Variants in KCNAB1 observed in about 807,000 individuals in gnomAD.
KCNAB1 encodes the protein potassium voltage-gated channel subfamily A regulatory beta subunit 1, also known as voltage-gated potassium channel subunit beta-1.
KCNAB1 carries 35 observed loss-of-function variants against 64.6 expected under a neutral mutation model. The observed-to-expected ratio is 0.54, with a 90% CI of 0.41 to 0.72. The LOEUF (loss-of-function observed/expected upper bound fraction) is 0.72. Ranked by LOEUF, KCNAB1 falls within the 30% of genes least tolerant of loss-of-function variation. The pLI, the probability that KCNAB1 is intolerant of heterozygous loss-of-function variation, is 0.00. For synonymous variants in KCNAB1, 177 were observed against 183.8 expected (o/e 0.96, Z 0.30); for missense variants, 401 against 512.9 (o/e 0.78, Z 2.11).
intron 2 of KCNAB1, among the ~76,000 whole-genome samples, chr3:156,424,613 C>T (rs1267677131): frequency 6.6e-6 from 1 of 151,800 alleles, no homozygotes; most frequent in Non-Finnish European, 1.5e-5. Flanking sequence ...AAGCATTGCC[C>T]AACTATTTAC....
In KCNAB1 at chr3:156,120,887, G is replaced by T; in HGVS notation, c.275+1G>T. On this transcript the variant is annotated splice_donor_variant, in intron 1 of 13. Transcript: ENST00000490337. LOFTEE classifies it high-confidence loss of function. Reference sequence around the variant, plus strand: ...TCTGCACCACAGGCATGCCGCACAGGTAAGCTGCCCCTGCTCTGCGCGGGC... The same window carrying T: ...TCTGCACCACAGGCATGCCGCACAGTTAAGCTGCCCCTGCTCTGCGCGGGC... 6.2e-7 allele frequency: 1 copy of T among 1,613,514 alleles called. No individual in the cohort carries two copies. The highest frequency in any genetic ancestry group is 1.1e-5 in the South Asian group (1 of 91,074).
At chr3:156,379,743 G>A (rs80213311) in intron 1 of KCNAB1, among the ~76,000 whole-genome samples, 9,914 of 152,228 alleles carry the variant, frequency 0.065, 434 homozygotes, top group Non-Finnish European at 0.096. Flanking sequence ...GCAGTGATGG[G>A]ATCTGATTTG....
intron 1 of KCNAB1, among the ~76,000 whole-genome samples, chr3:156,284,025 G>A (rs1719916082): frequency 6.6e-6 from 1 of 152,086 alleles, no homozygotes; most frequent in South Asian, 2.1e-4. Context: ...GCATTCCTTT[G>A]GAGGAGGAGA....
intron 1 of KCNAB1, among the ~76,000 whole-genome samples, chr3:156,148,863 T>C (rs919361448): frequency 1.3e-5 from 2 of 151,936 alleles, no homozygotes; most frequent in Non-Finnish European, 2.9e-5. Context: ...TTCTTTCTTT[T>C]TTTTTTTTGC....
At position 156,523,900 on chromosome 3, in the gene KCNAB1, C is replaced by T; in HGVS notation, c.1034C>T (p.Ser345Phe). The T allele has an allele frequency of 6.2e-7, 1 of 1,613,972 alleles. No individual in the cohort carries two copies. The highest frequency in any genetic ancestry group is 1.7e-5 in the Admixed American group (1 of 60,018). Residue 345 changes from serine to phenylalanine, a missense_variant, in exon 12 of 14, where the codon TCC becomes TTC. Transcript: ENST00000490337. Reference sequence around the variant, plus strand: ...CAGCAAAACAAGCTAAAAGACCTTTCCCCAATTGCGGAGCGTCTGGGATGC... The same window carrying T: ...CAGCAAAACAAGCTAAAAGACCTTTTCCCAATTGCGGAGCGTCTGGGATGC... ...RKQQNKLKDLSPIAERLGCTL... is the reference protein window; with the variant it reads ...RKQQNKLKDLFPIAERLGCTL...
At chr3:156,308,744 T>G (rs749578792) in intron 1 of KCNAB1, among the ~76,000 whole-genome samples, 156 of 152,344 alleles carry the variant, frequency 1.0e-3, no homozygotes, top group Non-Finnish European at 1.7e-3. Context: ...TGGAAGGCTT[T>G]GCACAGCACT....
intron 1 of KCNAB1, among the ~76,000 whole-genome samples, chr3:156,168,750 T>C (rs1711768508): frequency 6.6e-6 from 1 of 152,214 alleles, no homozygotes; most frequent in Non-Finnish European, 1.5e-5. Context: ...ATGTTTTCTT[T>C]TTAGGACAGC....
chr3:156,468,240 G>A (rs1049999911), intron 7 of KCNAB1, among the ~76,000 whole-genome samples: 1 of 152,102 alleles, frequency 6.6e-6, no homozygotes, highest in Non-Finnish European at 1.5e-5. Context: ...AAAAAAAATA[G>A]TTTCAGTATT....
chr3:156,274,971 G>C (rs1161983947), intron 1 of KCNAB1, among the ~76,000 whole-genome samples: 1 of 152,130 alleles, frequency 6.6e-6, no homozygotes, highest in Non-Finnish European at 1.5e-5. Context: ...CCAGAACTTA[G>C]CGATCTTGCG....
intron 1 of KCNAB1, among the ~76,000 whole-genome samples, chr3:156,158,180 AAATAAATAAATAAAT>A (rs1560112382): frequency 2.0e-4 from 12 of 61,206 alleles, no homozygotes; most frequent in African/African-American, 4.5e-4. Context: ...AAAAAATAAA[AAATAAATAAATAAAT>A]AAATAAATAA....
intron 1 of KCNAB1, among the ~76,000 whole-genome samples, chr3:156,355,445 C>T (rs1725167255): frequency 2.6e-5 from 4 of 152,166 alleles, no homozygotes; most frequent in Admixed American, 2.6e-4. Flanking sequence ...TCCTCATTGA[C>T]ATTCAACACT....
intron 1 of KCNAB1, among the ~76,000 whole-genome samples, chr3:156,262,540 G>A (rs1718489729): frequency 6.6e-6 from 1 of 151,788 alleles, no homozygotes; most frequent in Admixed American, 6.6e-5. Flanking sequence ...CTTAGTTATG[G>A]CCTATAATCC....
chr3:156,525,561 G>C (rs771298930), intron 12 of KCNAB1, among the ~76,000 whole-genome samples: 1 of 152,196 alleles, frequency 6.6e-6, no homozygotes, highest in Non-Finnish European at 1.5e-5. Flanking sequence ...TGTCGCCCAG[G>C]CTGGAGTGCA....
chr3:156,533,487 G>A (rs1005638592), intron 13 of KCNAB1, among the ~76,000 whole-genome samples: 6 of 152,192 alleles, frequency 3.9e-5, no homozygotes, highest in African/African-American at 1.4e-4. Flanking sequence ...ATGCACTGAC[G>A]TGGAGAGACA....
chr3:156,221,003 T>G (rs952674720), intron 1 of KCNAB1, among the ~76,000 whole-genome samples: 4 of 152,154 alleles, frequency 2.6e-5, no homozygotes, highest in African/African-American at 9.7e-5. Flanking sequence ...TTTTTGTCAG[T>G]TTTGTCAAAG....
chr3:156,172,859 A>G (rs1189867901), intron 1 of KCNAB1, among the ~76,000 whole-genome samples: 1 of 152,170 alleles, frequency 6.6e-6, no homozygotes, highest in Non-Finnish European at 1.5e-5. Flanking sequence ...AGGGCATCTA[A>G]TGCCTTTTAA....
intron 1 of KCNAB1, among the ~76,000 whole-genome samples, chr3:156,344,350 C>T (rs1406918784): frequency 6.6e-6 from 1 of 152,174 alleles, no homozygotes; most frequent in African/African-American, 2.4e-5. Context: ...CTCTTCTCTC[C>T]TCGCCTGCCG....
intron 1 of KCNAB1, among the ~76,000 whole-genome samples, chr3:156,330,281 C>G (rs1723244522): frequency 6.6e-6 from 1 of 152,018 alleles, no homozygotes; most frequent in South Asian, 2.1e-4. Context: ...TCAGCATTCG[C>G]CTTATCAGTG....
intron 1 of KCNAB1, among the ~76,000 whole-genome samples, chr3:156,328,828 A>C (rs1723149130): frequency 6.6e-6 from 1 of 152,188 alleles, no homozygotes; most frequent in South Asian, 2.1e-4. Flanking sequence ...GTAAGTTCTT[A>C]AGTCAGCTAC....
Sources: allele counts gnomAD v4.1 joint callset (sites outside exome capture counted in the v4.1 genomes callset), GRCh38; gene constraint gnomAD v4.1.1; transcripts MANE v1.5; gene names NCBI Gene and HGNC (gene_info 2026-07-23, HGNC 2026-07-21).